Variants in WDR70 observed in about 807,000 individuals in gnomAD.
WDR70 encodes WD repeat-containing protein 70.
Under a neutral mutation model 88.6 loss-of-function variants are expected in WDR70, and 53 were observed. The ratio of observed to expected loss-of-function variants is 0.60; its 90% CI spans 0.48 to 0.75. The LOEUF (loss-of-function observed/expected upper bound fraction) is 0.75, where lower values mean the gene tolerates loss of function less well. WDR70 is among the 30% of genes least tolerant of loss of function. The pLI, the probability that WDR70 is intolerant of heterozygous loss-of-function variation, is 0.00. For synonymous variants in WDR70, 280 were observed against 270.0 expected, an observed-to-expected ratio of 1.04 and a Z score of -0.36; for missense variants, 610 against 823.2, an observed-to-expected ratio of 0.74 and a Z score of 3.17.
intron 10 of WDR70, among the ~76,000 whole-genome samples, chr5:37,695,841 G>A (rs1746965703): frequency 6.6e-6 from 1 of 152,048 alleles, no homozygotes; most frequent in South Asian, 2.1e-4. Flanking sequence ...TCACACTAGG[G>A]GGCAGAGGTC....
At chr5:37,399,654 C>T (rs1749137025) in intron 5 of WDR70, among the ~76,000 whole-genome samples, 1 of 151,958 alleles carries the variant, frequency 6.6e-6, no homozygotes, top group African/African-American at 2.4e-5. Flanking sequence ...CTTTTGGCAT[C>T]CATAGAAAAC....
intron 8 of WDR70, among the ~76,000 whole-genome samples, chr5:37,481,292 T>A (rs1033980549): frequency 6.6e-6 from 1 of 152,116 alleles, no homozygotes; most frequent in Non-Finnish European, 1.5e-5. Context: ...ACCCCATATT[T>A]CCCTTTGACA....
chr5:37,541,185 C>T, intron 9 of WDR70, among the ~76,000 whole-genome samples: 1 of 152,132 alleles, frequency 6.6e-6, no homozygotes, highest in Non-Finnish European at 1.5e-5. Flanking sequence ...AGTGACTTAA[C>T]CCATTTTCAC....
chr5:37,579,663 G>GA (rs1156804710), intron 9 of WDR70, among the ~76,000 whole-genome samples: 9 of 145,150 alleles, frequency 6.2e-5, no homozygotes, highest in Admixed American at 6.2e-4. Flanking sequence ...ATTATTGTTT[G>GA]AAAAAAAATT....
intron 8 of WDR70, among the ~76,000 whole-genome samples, chr5:37,515,849 A>C (rs960355607): frequency 6.6e-6 from 1 of 152,298 alleles, no homozygotes; most frequent in African/African-American, 2.4e-5. Flanking sequence ...GCATTTGTAT[A>C]TATGTGTGTG....
At chr5:37,707,941 AAAAAAAAATATATATATATATATATATAT>A (rs1747393648) in intron 13 of WDR70, among the ~76,000 whole-genome samples, 1 of 32,612 alleles carries the variant, frequency 3.1e-5, no homozygotes, top group African/African-American at 1.1e-4. Flanking sequence ...AAAAAAAAAA[AAAAAAAAATATATATATATATATATATAT>A]ATATATATAT....
At chr5:37,752,031 T>C (rs1748828844) in intron 17 of WDR70, among the ~76,000 whole-genome samples, 1 of 152,256 alleles carries the variant, frequency 6.6e-6, no homozygotes, top group Non-Finnish European at 1.5e-5. Context: ...TTCCCATTTA[T>C]GTGTACTATA....
intron 8 of WDR70, among the ~76,000 whole-genome samples, chr5:37,489,912 A>G (rs188983264): frequency 1.3e-5 from 2 of 152,148 alleles, no homozygotes; most frequent in Non-Finnish European, 2.9e-5. Context: ...GTCATCTAGC[A>G]TTAGGTATAT....
chr5:37,558,040 A>G (rs1223792451), intron 9 of WDR70, among the ~76,000 whole-genome samples: 1 of 60,056 alleles, frequency 1.7e-5, no homozygotes, highest in South Asian at 5.9e-4. Context: ...CACTTCCTGT[A>G]AGAACTAGCA....
Position 37,675,060 on chromosome 5 carries a change from G to A in WDR70, c.1093-22595G>A, listed in dbSNP as rs570027445. 2.1e-3 allele frequency among the ~76,000 whole-genome samples: 318 copies of A among 151,650 alleles called. 3 individuals are homozygous for A. The highest frequency in any genetic ancestry group is 7.9e-3 in the East Asian group (41 of 5,184). ...TGAGAAGTGTCTGTTCATGTCCTTC[G>A]CCCACTTTTTGATGCGGTTGTTTGT... On this transcript the variant is annotated intron_variant, in intron 10 of 17. Coordinates refer to ENST00000265107, the MANE Select transcript of WDR70 (RefSeq NM_018034.4).
intron 17 of WDR70, among the ~76,000 whole-genome samples, chr5:37,744,418 T>C (rs1312692403): frequency 6.6e-6 from 1 of 151,962 alleles, no homozygotes; most frequent in Non-Finnish European, 1.5e-5. Context: ...CAGAACTGGA[T>C]GGAGGATCAG....
rs61421708 is a variant in WDR70, at chr5:37,505,396, T to C, written c.841-11118T>C. Among the ~76,000 whole-genome samples the C allele has an allele frequency of 7.3e-3, 1,119 of 152,278 alleles. 15 individuals are homozygous for C. The highest frequency in any genetic ancestry group is 0.025 in the African/African-American group (1,053 of 41,564). ...ATAGATAGAATTGCTTGGTCTGGTATTGAGTGGAACTTGCCTCTGGTATTG... is the reference window on the plus strand; with the variant it reads ...ATAGATAGAATTGCTTGGTCTGGTACTGAGTGGAACTTGCCTCTGGTATTG... On this transcript the variant is annotated intron_variant, in intron 8 of 17. Coordinates refer to ENST00000265107, the MANE Select transcript of WDR70 (RefSeq NM_018034.4).
intron 5 of WDR70, among the ~76,000 whole-genome samples, chr5:37,428,244 A>G (rs9292655): frequency 0.035 from 5,351 of 152,284 alleles, 326 homozygotes; most frequent in African/African-American, 0.12. Flanking sequence ...TTCTGCAGAT[A>G]TCAGCAAAAA....
intron 8 of WDR70, among the ~76,000 whole-genome samples, chr5:37,496,397 C>T (rs574542530): frequency 6.6e-6 from 1 of 152,260 alleles, no homozygotes; most frequent in South Asian, 2.1e-4. Context: ...CTGAAGTCAG[C>T]CAGACCACGA....
chr5:37,674,257 C>CT (rs1160170365), intron 10 of WDR70, among the ~76,000 whole-genome samples: 6 of 151,602 alleles, frequency 4.0e-5, no homozygotes, highest in Admixed American at 3.3e-4. Context: ...TATTATTATA[C>CT]TTTAAGTTTT....
rs532168702 is a variant in WDR70, at chr5:37,510,261, A to C, written c.841-6253A>C. On this transcript the variant is annotated intron_variant, in intron 8 of 17. Coordinates refer to ENST00000265107, the MANE Select transcript of WDR70 (RefSeq NM_018034.4). ...CCCCTTCCTTCCTTTTCCCTCCTCCATTCCTCCCTCAACTAACACAAACTA... is the reference window on the plus strand; with the variant it reads ...CCCCTTCCTTCCTTTTCCCTCCTCCCTTCCTCCCTCAACTAACACAAACTA... Among the ~76,000 whole-genome samples the C allele has an allele frequency of 3.7e-3, 564 of 151,672 alleles. 2 individuals are homozygous for C. The highest frequency in any genetic ancestry group is 6.2e-3 in the Non-Finnish European group (419 of 67,894).
intron 17 of WDR70, among the ~76,000 whole-genome samples, chr5:37,749,980 T>A (rs181439449): frequency 6.6e-6 from 1 of 152,304 alleles, no homozygotes; most frequent in East Asian, 1.9e-4. Context: ...ATTTGTTTTG[T>A]TTTTAGTTTC....
At chr5:37,418,938 A>G (rs1420573121) in intron 5 of WDR70, among the ~76,000 whole-genome samples, 1 of 151,522 alleles carries the variant, frequency 6.6e-6, no homozygotes, top group Non-Finnish European at 1.5e-5. Flanking sequence ...TAATATTTGT[A>G]CTTTTGGTAG....
intron 8 of WDR70, among the ~76,000 whole-genome samples, chr5:37,496,116 T>A (rs960829783): frequency 6.6e-6 from 1 of 152,146 alleles, no homozygotes; most frequent in Non-Finnish European, 1.5e-5. Context: ...TGTGTCTAAC[T>A]AAAGGTTTTT....
Sources: gnomAD v4.1 joint callset for allele counts (sites outside exome capture counted in the v4.1 genomes callset) on GRCh38, gnomAD v4.1.1 for gene constraint, MANE v1.5 for transcripts, NCBI Gene and HGNC (gene_info 2026-07-23, HGNC 2026-07-21) for gene names.